DKC1: variants seen among roughly 807,000 people sequenced by gnomAD.
DKC1 encodes dyskerin pseudouridine synthase 1, also known as H/ACA ribonucleoprotein complex subunit DKC1.
Under a neutral mutation model 46.7 loss-of-function variants are expected in DKC1, and 4 were observed. The observed-to-expected ratio is 0.09, with a 90% CI of 0.04 to 0.20. The LOEUF (loss-of-function observed/expected upper bound fraction) is 0.20, where lower values mean the gene tolerates loss of function less well. DKC1 is among the 10% of genes least tolerant of loss of function. The pLI is 1.00. For missense variants in DKC1, 171 were observed against 404.2 expected (o/e 0.42, Z 4.95); for synonymous variants, 141 against 142.4 (o/e 0.99, Z 0.07).
chrX:154,774,835 T>C (rs2071875918), intron 12 of DKC1, 130 bp downstream of exon 12: 1 of 615,373 alleles, frequency 1.6e-6, no homozygotes, highest in Non-Finnish European at 2.8e-6. Flanking sequence ...CAGGAGTACA[T>C]GGACAACAGG....
At chrX:154,767,843 CTTTTTTTTTTTT>C (rs35184460) in intron 7 of DKC1, among the ~76,000 whole-genome samples, 3 of 65,175 alleles carry the variant, frequency 4.6e-5, no homozygotes, top group Non-Finnish European at 8.0e-5. Flanking sequence ...AATTACAGAT[CTTTTTTTTTTTT>C]TTTTTTTTTT....
rs782079822 is a variant in DKC1, at chrX:154,773,164, C to G, written c.1070C>G (p.Thr357Ser). 2.5e-6 allele frequency: 3 copies of G among 1,208,056 alleles called. No homozygotes were observed. The highest frequency in any genetic ancestry group is 2.3e-4 in the Middle Eastern group (1 of 4,348). The change falls in exon 11 of 15, where the codon ACC becomes AGC. Residue 357 changes from threonine (T) to serine (S), a missense_variant. Thr to Ser is a moderately conservative substitution (Grantham distance 58, BLOSUM62 1). Around this residue, in one of 4 missense-constraint regions of DKC1, gnomAD observed 60 missense variants for 206.5 expected, o/e 0.29. Transcript: ENST00000369550. ...TTAATGACCACAGCGGTCATCTCTA[C>G]CTGCGACCATGGTATAGTAGCCAAG... Reference protein sequence around the residue: ...IALMTTAVISTCDHGIVAKIK... With the variant: ...IALMTTAVISSCDHGIVAKIK...
Position 154,776,945 on chromosome X carries a change from A to T in DKC1, c.*78A>T. 1.2e-6 allele frequency: 1 copy of T among 868,146 alleles called. No homozygotes were observed. The highest frequency in any genetic ancestry group is 1.6e-6 in the Non-Finnish European group (1 of 607,056). The allele number at this position is 868,146 out of a possible 1,213,427, so 71.5% of individuals were successfully genotyped here. A position where few individuals can be genotyped will look rare whatever the true frequency, so the allele number is the denominator to read the frequency against. On this transcript the variant is annotated 3_prime_UTR_variant, in exon 15 of 15. Coordinates refer to ENST00000369550, the MANE Select transcript of DKC1 (RefSeq NM_001363.5). Reference sequence around the variant, plus strand: ...TTATAGATCCTTTTGTTGCTGAGAGAGTGGAACATAGGTCCTAGACAGGGT... The same window carrying T: ...TTATAGATCCTTTTGTTGCTGAGAGTGTGGAACATAGGTCCTAGACAGGGT...
intron 5 of DKC1, chrX:154,766,666 TCTCA>T: frequency 2.3e-6 from 1 of 434,853 alleles, no homozygotes; most frequent in East Asian, 3.8e-5. Context: ...ACTCCAGGCT[TCTCA>T]CTCTGTGCTA....
At chrX:154,764,785 G>A in intron 1 of DKC1, 114 bp from the exon 2 acceptor site, 1 of 555,800 alleles carries the variant, frequency 1.8e-6, no homozygotes, top group Non-Finnish European at 3.2e-6. Flanking sequence ...GCATGTGACT[G>A]TAATTGTAGA....
Position 154,769,420 on chromosome X carries a change from C to T in DKC1, c.915+110C>T, listed in dbSNP as rs5987022. On this transcript the variant is annotated intron_variant, in intron 9 of 14. Transcript: ENST00000369550. ...TATTTTATTTTTTTCAAGTCCAAAC[C>T]AAGTATATTAATTTAAAGTAAAAGT... 0.015 allele frequency: 13,123 copies of T among 878,623 alleles called. 1,080 individuals are homozygous for T. In the African/African-American group the frequency reaches 0.24, roughly 16 times the overall value. The allele number at this position is 878,623 out of a possible 1,213,427, so 72.4% of individuals were successfully genotyped here.
chrX:154,774,999 G>A lies in DKC1; in HGVS notation c.1260-196G>A, dbSNP rs782491130. ...GCCAGTTAGGGGTGTGGGCCTGCACGGCAGACAGTTATCCCTTTCTAGTCT... is the reference window on the plus strand; with the variant it reads ...GCCAGTTAGGGGTGTGGGCCTGCACAGCAGACAGTTATCCCTTTCTAGTCT... On this transcript the variant is annotated intron_variant, in intron 12 of 14. Coordinates refer to ENST00000369550, the MANE Select transcript of DKC1 (RefSeq NM_001363.5). 2.4e-5 allele frequency: 14 copies of A among 583,349 alleles called. No homozygotes were observed. In the South Asian group the frequency reaches 2.5e-4, roughly 10 times the overall value. The allele number at this position is 583,349 out of a possible 1,213,427, so 48.1% of individuals were successfully genotyped here.
At chrX:154,773,992 A>G (rs1397322939) in intron 11 of DKC1, among the ~76,000 whole-genome samples, 3 of 110,988 alleles carry the variant, frequency 2.7e-5, no homozygotes, top group African/African-American at 9.9e-5. Context: ...TTTGTTTGGC[A>G]TTGTTGAATA....
rs184546407 is a variant in DKC1, at chrX:154,763,200, C to T, written c.16+219C>T. On this transcript the variant is annotated intron_variant, in intron 1 of 14. Coordinates refer to ENST00000369550, the MANE Select transcript of DKC1 (RefSeq NM_001363.5). Reference sequence around the variant, plus strand: ...CGCGGTGACTTGGCATGATGGGGCTCGGCCCTCTCACCTCCCTGGGGTCCG... The same window carrying T: ...CGCGGTGACTTGGCATGATGGGGCTTGGCCCTCTCACCTCCCTGGGGTCCG... Among the ~76,000 whole-genome samples, 843 of 111,986 alleles carry T rather than the reference C, an allele frequency of 7.5e-3. 8 individuals are homozygous for T. The highest frequency in any genetic ancestry group is 0.026 in the African/African-American group (807 of 30,848).
intron 2 of DKC1, 137 bp downstream of exon 2, chrX:154,765,103 C>A: frequency 1.7e-6 from 1 of 575,315 alleles, no homozygotes; most frequent in Non-Finnish European, 3.0e-6. Context: ...TTCGAAAAAG[C>A]ACTGAAATGA....
intron 10 of DKC1, 104 bp from the exon 11 acceptor site, chrX:154,773,027 A>C: frequency 1.8e-6 from 1 of 551,402 alleles, no homozygotes; most frequent in South Asian, 3.1e-5. Flanking sequence ...AGTAGCTCAG[A>C]GTTTTAAAAG....
intron 5 of DKC1, 95 bp downstream of exon 5, chrX:154,766,495 GAAA>G (rs1172676981): frequency 3.9e-5 from 26 of 668,836 alleles, no homozygotes; most frequent in Non-Finnish European, 4.8e-5. Flanking sequence ...TCTTCATTAA[GAAA>G]AAAAAAAATC....
chrX:154,764,106 G>A (rs374397337), intron 1 of DKC1, among the ~76,000 whole-genome samples: 1 of 108,645 alleles, frequency 9.2e-6, no homozygotes, highest in Non-Finnish European at 1.9e-5. Flanking sequence ...GTTGCAGTGA[G>A]CCGAGTTTCT....
chrX:154,764,421 A>T (rs1198599617), intron 1 of DKC1, among the ~76,000 whole-genome samples: 3 of 109,855 alleles, frequency 2.7e-5, no homozygotes, highest in South Asian at 3.8e-4. Context: ...AATTTATAAA[A>T]ATATATTTTT....
rs35962335 is a variant in DKC1, at chrX:154,771,187, G to GT, written c.1036+330dup. 0.084 allele frequency among the ~76,000 whole-genome samples: 5,443 copies of GT among 64,455 alleles called. 361 individuals are homozygous for GT. The highest frequency in any genetic ancestry group is 0.18 in the South Asian group (178 of 995). The allele number at this position is 64,455 out of a possible 115,157, so 56.0% of individuals were successfully genotyped here. ...ATTCTTTTGGTTTTTTGGTGGTGGTGTTTTTTTTTTTTTTTTTTTTTTGAG... is the reference window on the plus strand; with the variant it reads ...ATTCTTTTGGTTTTTTGGTGGTGGTGTTTTTTTTTTTTTTTTTTTTTTTGAG... On this transcript the variant is annotated intron_variant, in intron 10 of 14. Transcript: ENST00000369550.
intron 11 of DKC1, among the ~76,000 whole-genome samples, chrX:154,773,879 C>T (rs960451894): frequency 2.4e-4 from 27 of 111,765 alleles, no homozygotes; most frequent in Non-Finnish European, 4.3e-4. Flanking sequence ...TAGGGGCGGC[C>T]GGGCAGAGGC....
In DKC1 at chrX:154,777,202, T is replaced by A. The variant is rs1394324446; in HGVS notation, c.*335T>A. 8 of 197,671 alleles carry A rather than the reference T, an allele frequency of 4.0e-5. No individual in the cohort carries two copies. Among genetic ancestry groups the A allele is most frequent in the African/African-American group, 1.8e-4 (6 of 33,787 alleles). The allele number at this position is 197,671 out of a possible 1,213,427, so 16.3% of individuals were successfully genotyped here. A position where few individuals can be genotyped will look rare whatever the true frequency, so the allele number is the denominator to read the frequency against. ...CATCGTAGTCCTAGTTTGCATTTTT[T>A]AAATCCCCTCTGTTTAAAAGGTTTG... On this transcript the variant is annotated 3_prime_UTR_variant, in exon 15 of 15. Transcript: ENST00000369550.
intron 1 of DKC1, among the ~76,000 whole-genome samples, chrX:154,763,378 C>A (rs951735338): frequency 8.9e-6 from 1 of 112,397 alleles, no homozygotes; most frequent in East Asian, 2.8e-4. Context: ...AGAAAAGGAG[C>A]GGAGGGACCC....
intron 7 of DKC1, chrX:154,768,064 A>G: frequency 2.6e-6 from 1 of 378,372 alleles, no homozygotes; most frequent in Admixed American, 4.0e-5. Flanking sequence ...GTTAGCCAGG[A>G]TGGTCTTGAT....
Sources: gnomAD v4.1 joint callset for allele counts (sites outside exome capture counted in the v4.1 genomes callset) on GRCh38, gnomAD v4.1.1 for gene constraint, gnomAD v4.1.1 regional missense constraint, MANE v1.5 for transcripts, NCBI Gene and HGNC (gene_info 2026-07-23, HGNC 2026-07-21) for gene names.